Variants in MORC1 observed in about 807,000 individuals in gnomAD.
MORC1 encodes the protein MORC family CW-type zinc finger 1.
Under a neutral mutation model 134.9 loss-of-function variants are expected in MORC1, and 59 were observed. That is an observed-to-expected ratio of 0.44 (90% CI 0.35 to 0.54). The LOEUF (loss-of-function observed/expected upper bound fraction) is 0.54, where lower values mean the gene tolerates loss of function less well. Among genes scored for constraint, MORC1 ranks in the 20% least tolerant of loss-of-function variants. The pLI is 0.00. For missense variants in MORC1, 947 were observed against 1,134.5 expected (o/e 0.83, Z 2.37); for synonymous variants, 395 against 391.7 (o/e 1.01, Z -0.10).
rs922506354 is a variant in MORC1, at chr3:108,995,161, C to T, written c.2187+5396G>A. Among the ~76,000 whole-genome samples the T allele has an allele frequency of 3.3e-5, 5 of 152,294 alleles. 1 individual carries two copies. In the East Asian group the frequency reaches 9.7e-4, roughly 29 times the overall value. ...TGCCAGTTTATCACACAGCAGTGCACAGGAGTTTGTAACTATATCTAAACA... is the reference window on the plus strand; with the variant it reads ...TGCCAGTTTATCACACAGCAGTGCATAGGAGTTTGTAACTATATCTAAACA... On this transcript the variant is annotated intron_variant, in intron 21 of 27. Transcript: ENST00000232603.
At chr3:109,081,232 A>G (rs1394725602) in intron 8 of MORC1, among the ~76,000 whole-genome samples, 4 of 152,180 alleles carry the variant, frequency 2.6e-5, no homozygotes, top group Non-Finnish European at 5.9e-5. Context: ...TATAAGACAA[A>G]TAACAATGCT....
rs1947001245 is a variant in MORC1 at position 108,958,738 on chromosome 3, T to A, written c.*227A>T. 4.4e-6 allele frequency: 1 copy of A among 229,322 alleles called. No homozygotes were observed. Among genetic ancestry groups the A allele is most frequent in the Non-Finnish European group, 8.4e-6 (1 of 119,618 alleles). 14.2% of individuals were successfully genotyped at this position (229,322 alleles called of 1,614,324 possible). A position where few individuals can be genotyped will look rare whatever the true frequency, so the allele number is the denominator to read the frequency against. On this transcript the variant is annotated 3_prime_UTR_variant, in exon 28 of 28. Coordinates refer to ENST00000232603, the MANE Select transcript of MORC1 (RefSeq NM_014429.4). Reference sequence around the variant, plus strand: ...AGAGAACTCTAGATATTATTAATATTTCTGAAAGAAAAGGAAGATTTAGAT... The same window carrying A: ...AGAGAACTCTAGATATTATTAATATATCTGAAAGAAAAGGAAGATTTAGAT...
At chr3:108,970,235 A>G (rs1001625797) in intron 25 of MORC1, among the ~76,000 whole-genome samples, 1 of 152,174 alleles carries the variant, frequency 6.6e-6, no homozygotes, top group African/African-American at 2.4e-5. Flanking sequence ...CGTGTACAAC[A>G]GGAGCTGCCA....
chr3:108,997,682 T>C (rs1232802958), intron 21 of MORC1, among the ~76,000 whole-genome samples: 1 of 152,126 alleles, frequency 6.6e-6, no homozygotes, highest in Non-Finnish European at 1.5e-5. Flanking sequence ...GAGGTAATTT[T>C]GGAGAATGAA....
chr3:109,019,596 G>T (rs1480699245), intron 17 of MORC1, among the ~76,000 whole-genome samples: 1 of 152,214 alleles, frequency 6.6e-6, no homozygotes, highest in African/African-American at 2.4e-5. Context: ...GAACCAGTCT[G>T]CGTTGGCTGA....
intron 21 of MORC1, among the ~76,000 whole-genome samples, chr3:108,990,102 C>T (rs981789277): frequency 2.4e-4 from 37 of 152,186 alleles, no homozygotes; most frequent in African/African-American, 7.2e-4. Flanking sequence ...CCTCTGCCTT[C>T]CACCACGATT....
intron 11 of MORC1, among the ~76,000 whole-genome samples, chr3:109,061,095 C>A (rs1409933440): frequency 6.6e-6 from 1 of 151,966 alleles, no homozygotes; most frequent in East Asian, 1.9e-4. Flanking sequence ...TTACTCAGGA[C>A]CTTAGATATG....
intron 13 of MORC1, among the ~76,000 whole-genome samples, chr3:109,055,478 C>T (rs1335446935): frequency 6.6e-6 from 1 of 152,184 alleles, no homozygotes; most frequent in Non-Finnish European, 1.5e-5. Flanking sequence ...GTCAAAGCCT[C>T]ACAATTTGGG....
At position 108,969,563 on chromosome 3, in the gene MORC1, C is replaced by A. The variant is rs1456005546; in HGVS notation, c.2604+106G>T. 4 of 1,152,850 alleles carry A rather than the reference C, an allele frequency of 3.5e-6. No individual in the cohort carries two copies. In the East Asian group the frequency reaches 9.5e-5, roughly 27 times the overall value. The allele number at this position is 1,152,850 out of a possible 1,614,324, so 71.4% of individuals were successfully genotyped here. A position where few individuals can be genotyped will look rare whatever the true frequency, so the allele number is the denominator to read the frequency against. On this transcript the variant is annotated intron_variant, in intron 26 of 27. Coordinates refer to ENST00000232603, the MANE Select transcript of MORC1 (RefSeq NM_014429.4). ...TAATCTAAGTCTCGATAAGTGAATG[C>A]AAATTTGATTTCCTTTCAAACCTAA...
At chr3:109,005,598 A>G (rs977181349) in intron 18 of MORC1, among the ~76,000 whole-genome samples, 4 of 152,128 alleles carry the variant, frequency 2.6e-5, no homozygotes, top group South Asian at 2.1e-4. Flanking sequence ...CTTTCCCCCA[A>G]TAGAGGTTCG....
intron 14 of MORC1, among the ~76,000 whole-genome samples, chr3:109,043,235 T>G (rs1949603477): frequency 7.0e-6 from 1 of 143,776 alleles, no homozygotes. Flanking sequence ...GCCTTAAAAA[T>G]GAAGGGAATT....
rs1324609953 is a variant in MORC1, at chr3:108,993,322, A to G, written c.2188-6373T>C. On this transcript the variant is annotated intron_variant, in intron 21 of 27. Coordinates refer to ENST00000232603, the MANE Select transcript of MORC1 (RefSeq NM_014429.4). The stretch of plus-strand genomic sequence containing the variant: ...CTGGTAGTTCAGACTTTAGCACTTG[A>G]ATATTTAGATTCCTTATAAGTCATC... Among the ~76,000 whole-genome samples the G allele has an allele frequency of 2.6e-5, 4 of 152,140 alleles. No individual in the cohort carries two copies. In the East Asian group the frequency reaches 7.7e-4, roughly 29 times the overall value.
chr3:109,010,807 T>C (rs987162307), intron 17 of MORC1, among the ~76,000 whole-genome samples: 1 of 152,210 alleles, frequency 6.6e-6, no homozygotes, highest in Non-Finnish European at 1.5e-5. Context: ...ATTTAAAAAC[T>C]CATCCATATT....
intron 24 of MORC1, among the ~76,000 whole-genome samples, chr3:108,971,869 A>G (rs1013110782): frequency 2.0e-5 from 3 of 152,126 alleles, no homozygotes; most frequent in African/African-American, 7.2e-5. Context: ...AAAAAAAGAA[A>G]AGAAACCAGC....
intron 8 of MORC1, among the ~76,000 whole-genome samples, chr3:109,082,396 AAAC>A (rs1950540324): frequency 6.6e-6 from 1 of 152,180 alleles, no homozygotes; most frequent in South Asian, 2.1e-4. Context: ...CATCCACAAG[AAAC>A]AACAGCAAAC....
chr3:109,067,036 TGG>T (rs1468541668), intron 9 of MORC1, among the ~76,000 whole-genome samples: 19 of 152,206 alleles, frequency 1.2e-4, no homozygotes, highest in Non-Finnish European at 2.8e-4. Context: ...TGTTAGCATA[TGG>T]AAAGCATCCC....
At chr3:109,070,081 A>C in intron 8 of MORC1, among the ~76,000 whole-genome samples, 1 of 152,216 alleles carries the variant, frequency 6.6e-6, no homozygotes, top group East Asian at 1.9e-4. Flanking sequence ...TAGGAGAACA[A>C]AGTCAAGTCA....
At position 109,096,595 on chromosome 3, in the gene MORC1, T is replaced by G. The variant is rs1468139227; in HGVS notation, c.424-1527A>C. On this transcript the variant is annotated intron_variant, in intron 6 of 27. Transcript: ENST00000232603. ...CACTTCCTGGAATTGCCCACCCTAT[T>G]CCTGGAAAATTCATGAATAATCAAC... is the stretch of plus-strand genomic sequence containing the variant. Among the ~76,000 whole-genome samples, 3 of 152,286 alleles carry G rather than the reference T, an allele frequency of 2.0e-5. No individual in the cohort carries two copies. The East Asian group carries it at 5.8e-4, about 29-fold the overall frequency.
intron 16 of MORC1, among the ~76,000 whole-genome samples, chr3:109,028,371 T>C (rs558441250): frequency 4.6e-5 from 7 of 152,236 alleles, no homozygotes; most frequent in South Asian, 2.1e-4. Flanking sequence ...TGATGTGATG[T>C]AGGATTCAGC....
Sources: gnomAD v4.1 joint callset for allele counts (sites outside exome capture counted in the v4.1 genomes callset) on GRCh38, gnomAD v4.1.1 for gene constraint, MANE v1.5 for transcripts, NCBI Gene and HGNC (gene_info 2026-07-23, HGNC 2026-07-21) for gene names.